The following DYNC1I1 variants were observed in gnomAD, a reference collection of about 807,000 sequenced individuals.
DYNC1I1 encodes cytoplasmic dynein 1 intermediate chain 1.
In DYNC1I1, 43 loss-of-function variants were observed where a neutral mutation model predicts 86.6. The observed-to-expected ratio is 0.50, with a 90% CI of 0.39 to 0.64. The LOEUF (loss-of-function observed/expected upper bound fraction) is 0.64. Among genes scored for constraint, DYNC1I1 ranks in the 30% least tolerant of loss-of-function variants. The pLI is 0.00. For synonymous variants in DYNC1I1, 262 were observed against 283.7 expected, an observed-to-expected ratio of 0.92 and a Z score of 0.77; for missense variants, 604 against 788.8, an observed-to-expected ratio of 0.77 and a Z score of 2.81.
In DYNC1I1 at chr7:95,835,578, A is replaced by G. The variant is rs547583289; in HGVS notation, c.374+7462A>G. Among the ~76,000 whole-genome samples the G allele has an allele frequency of 3.3e-5, 5 of 151,710 alleles. No homozygotes were observed. In the East Asian group the frequency reaches 9.7e-4, roughly 30 times the overall value. ...TCTAATGTTGACAGTGGGGTGTTAA[A>G]GTCTCCCATTATTAATGTGTGGGAG... On this transcript the variant is annotated intron_variant, in intron 5 of 16. Coordinates refer to ENST00000447467, the MANE Select transcript of DYNC1I1 (RefSeq NM_001135556.2).
At chr7:95,990,785 T>TG (rs1456694273) in intron 9 of DYNC1I1, among the ~76,000 whole-genome samples, 49 of 152,232 alleles carry the variant, frequency 3.2e-4, no homozygotes, top group Admixed American at 1.2e-3. Flanking sequence ...ATCCCAACAC[T>TG]TTGGGAGGCC....
chr7:96,079,945 T>G (rs928426463), intron 15 of DYNC1I1, among the ~76,000 whole-genome samples: 2 of 152,214 alleles, frequency 1.3e-5, no homozygotes, highest in African/African-American at 2.4e-5. Context: ...ACCATACACC[T>G]GCTTTCTGCC....
At chr7:96,021,985 T>C (rs1794562536) in intron 10 of DYNC1I1, among the ~76,000 whole-genome samples, 1 of 152,194 alleles carries the variant, frequency 6.6e-6, no homozygotes, top group Non-Finnish European at 1.5e-5. Context: ...AAGTTTTTTG[T>C]GTAGACATAT....
chr7:95,807,415 CA>C (rs1453538090), intron 2 of DYNC1I1, among the ~76,000 whole-genome samples: 1 of 152,062 alleles, frequency 6.6e-6, no homozygotes, highest in East Asian at 1.9e-4. Flanking sequence ...GCCAGTTTCC[CA>C]GATCAGAAAC....
At position 96,035,666 on chromosome 7, in the gene DYNC1I1, C is replaced by G; in HGVS notation, c.1278C>G (p.Thr426=). ...ATAAGTCCAAGCCTGTCGCTGTTAC[C>G]GGAATGGCTTTCCCAACGGGAGACG... The part of the protein sequence containing the change: ...VYNKSKPVAV[T]GMAFPTGDVN... Residue 426 remains threonine, a synonymous_variant, in exon 13 of 17, where the codon ACC becomes ACG. Transcript: ENST00000447467. 1 of 1,611,422 alleles carries G rather than the reference C, an allele frequency of 6.2e-7. No individual in the cohort carries two copies. Among genetic ancestry groups the G allele is most frequent in the Non-Finnish European group, 8.5e-7 (1 of 1,178,832 alleles).
intron 16 of DYNC1I1, among the ~76,000 whole-genome samples, chr7:96,108,844 G>C (rs1285128119): frequency 1.4e-5 from 2 of 143,816 alleles, no homozygotes; most frequent in Non-Finnish European, 3.0e-5. Context: ...CTTGGCGACA[G>C]AGTAAGACTC....
intron 1 of DYNC1I1, among the ~76,000 whole-genome samples, chr7:95,789,046 C>T (rs1045336458): frequency 3.9e-5 from 6 of 152,190 alleles, no homozygotes; most frequent in East Asian, 3.9e-4. Context: ...TGGTTGAAAC[C>T]GACTCTAGCT....
At chr7:96,046,103 G>T (rs1789207263) in intron 14 of DYNC1I1, among the ~76,000 whole-genome samples, 1 of 152,150 alleles carries the variant, frequency 6.6e-6, no homozygotes, top group African/African-American at 2.4e-5. Context: ...TGTCGGAGTG[G>T]TTTACCTGGC....
intron 9 of DYNC1I1, among the ~76,000 whole-genome samples, chr7:95,992,209 G>A (rs1461599727): frequency 6.6e-6 from 1 of 151,990 alleles, no homozygotes; most frequent in Non-Finnish European, 1.5e-5. Context: ...CACTTGTCAT[G>A]GTCTGCTTTT....
intron 10 of DYNC1I1, among the ~76,000 whole-genome samples, chr7:96,001,835 T>C (rs1174382519): frequency 6.6e-6 from 1 of 152,118 alleles, no homozygotes; most frequent in Non-Finnish European, 1.5e-5. Flanking sequence ...GGTGGGGGCT[T>C]CAACATATGA....
At position 95,810,403 on chromosome 7, in the gene DYNC1I1, G is replaced by A; in HGVS notation, c.120G>A (p.Gln40=). The change falls in exon 3 of 17, where the codon CAG becomes CAA. Residue 40 remains glutamine, a synonymous_variant. Coordinates refer to ENST00000447467, the MANE Select transcript of DYNC1I1 (RefSeq NM_001135556.2). ...ACGTCTACTTCTAGGCTGATATGCA[G>A]CAGAAGAAAGAACCCGTTCAGGACG... is the stretch of plus-strand genomic sequence containing the variant. ...EERKKKEADM[Q]QKKEPVQDDS... 2 of 1,609,038 alleles carry A rather than the reference G, an allele frequency of 1.2e-6. No individual in the cohort carries two copies. Among genetic ancestry groups the A allele is most frequent in the Non-Finnish European group, 1.7e-6 (2 of 1,177,640 alleles).
At chr7:95,802,008 C>T (rs564821470) in intron 1 of DYNC1I1, among the ~76,000 whole-genome samples, 1 of 152,114 alleles carries the variant, frequency 6.6e-6, no homozygotes, top group Non-Finnish European at 1.5e-5. Context: ...TCAATTACTC[C>T]CTTGGCTCTG....
At chr7:96,079,576 C>G (rs1562997179) in intron 15 of DYNC1I1, among the ~76,000 whole-genome samples, 1 of 152,110 alleles carries the variant, frequency 6.6e-6, no homozygotes, top group Non-Finnish European at 1.5e-5. Flanking sequence ...ACCTCCAGTT[C>G]ACTTTAATTA....
At chr7:95,941,812 T>A (rs993903555) in intron 6 of DYNC1I1, among the ~76,000 whole-genome samples, 1 of 152,148 alleles carries the variant, frequency 6.6e-6, no homozygotes, top group Non-Finnish European at 1.5e-5. Context: ...GCACCCACTG[T>A]CCTGCGCCCA....
chr7:95,895,473 C>T (rs935522800), intron 6 of DYNC1I1, among the ~76,000 whole-genome samples: 1 of 152,120 alleles, frequency 6.6e-6, no homozygotes, highest in African/African-American at 2.4e-5. Flanking sequence ...TGTCAACTTC[C>T]GATGGCTGGC....
intron 6 of DYNC1I1, among the ~76,000 whole-genome samples, chr7:95,957,454 C>CCTG (rs142486587): frequency 0.033 from 4,960 of 152,086 alleles, 217 homozygotes; most frequent in African/African-American, 0.098. Flanking sequence ...TCCTCCTCCT[C>CCTG]CTGCTGCTGC....
chr7:95,807,480 T>G (rs1018727759), intron 2 of DYNC1I1, among the ~76,000 whole-genome samples: 6 of 152,172 alleles, frequency 3.9e-5, no homozygotes, highest in African/African-American at 1.4e-4. Context: ...TCATCAGGTC[T>G]GGACAGGCAT....
chr7:95,935,631 GC>G, intron 6 of DYNC1I1, among the ~76,000 whole-genome samples: 1 of 151,984 alleles, frequency 6.6e-6, no homozygotes. Context: ...CTTATGCACA[GC>G]AAAGGAAACA....
intron 10 of DYNC1I1, among the ~76,000 whole-genome samples, chr7:96,000,956 A>C (rs560528128): frequency 6.6e-6 from 1 of 152,332 alleles, no homozygotes; most frequent in East Asian, 1.9e-4. Flanking sequence ...TACACCTTTA[A>C]ACAAGTTGTT....
Sources: allele counts gnomAD v4.1 joint callset (sites outside exome capture counted in the v4.1 genomes callset), GRCh38; gene constraint gnomAD v4.1.1; transcripts MANE v1.5; gene names NCBI Gene and HGNC (gene_info 2026-07-23, HGNC 2026-07-21).